The following CCDC141 variants were observed in gnomAD, a reference collection of about 807,000 sequenced individuals.
CCDC141 encodes the protein coiled-coil domain-containing protein 141.
CCDC141 carries 168 observed loss-of-function variants against 181.0 expected under a neutral mutation model. The ratio of observed to expected loss-of-function variants is 0.93; its 90% confidence interval spans 0.82 to 1.05. CCDC141 has a LOEUF of 1.05. Ranked by LOEUF, CCDC141 falls within the 50% of genes least tolerant of loss-of-function variation. The pLI, the probability that CCDC141 is intolerant of heterozygous loss-of-function variation, is 0.00. For synonymous variants in CCDC141, 666 were observed against 642.3 expected, an observed-to-expected ratio of 1.04 and a Z score of -0.56; for missense variants, 1,902 against 1,788.5, an observed-to-expected ratio of 1.06 and a Z score of -1.14.
At chr2:178,959,978 C>A (rs1192319937) in intron 5 of CCDC141, among the ~76,000 whole-genome samples, 2 of 152,162 alleles carry the variant, frequency 1.3e-5, no homozygotes, top group Non-Finnish European at 2.9e-5. Flanking sequence ...TGGTTCTTAA[C>A]TGGTATTAAT....
the CCDC141 span, among the ~76,000 whole-genome samples, chr2:178,823,277 G>C: frequency 6.6e-6 from 1 of 152,124 alleles, no homozygotes. Context: ...GTTTGAATGA[G>C]ATAATCAGAT....
intron 4 of CCDC141, among the ~76,000 whole-genome samples, chr2:178,969,180 G>A (rs1690770277): frequency 6.7e-6 from 1 of 148,708 alleles, no homozygotes; most frequent in Non-Finnish European, 1.5e-5. Context: ...GGTACAAAGA[G>A]GAGCTGGTAC....
rs759515239 is a variant in CCDC141 at position 178,850,012 on chromosome 2, T to C, written c.3357+37A>G. The C allele has an allele frequency of 3.2e-5, 36 of 1,124,602 alleles. No homozygotes were observed. In the Middle Eastern group the frequency reaches 1.8e-3, roughly 57 times the overall value. 69.7% of individuals were successfully genotyped at this position (1,124,602 alleles called of 1,614,324 possible). The stretch of plus-strand genomic sequence containing the variant: ...TTTGATTAACACATTTTTATTTATT[T>C]TGCTTGAAAATACATATTCTAGGAA... On this transcript the variant is annotated intron_variant, in intron 21 of 23. Transcript: ENST00000443758.
chr2:179,010,303 T>A (rs1412753896), intron 2 of CCDC141, among the ~76,000 whole-genome samples: 5 of 152,082 alleles, frequency 3.3e-5, no homozygotes, highest in African/African-American at 4.8e-5. Context: ...ACAAAGAACA[T>A]CCAGGAAATT....
At chr2:178,834,545 CT>C in intron 23 of CCDC141, 105 bp from the exon 24 acceptor site, 2 of 1,271,394 alleles carry the variant, frequency 1.6e-6, no homozygotes, top group Non-Finnish European at 1.1e-6. Context: ...GCAATATTCT[CT>C]TAGGATTAGT....
intron 5 of CCDC141, among the ~76,000 whole-genome samples, chr2:178,950,330 T>A (rs983109568): frequency 6.6e-6 from 1 of 152,020 alleles, no homozygotes; most frequent in African/African-American, 2.4e-5. Context: ...CATAGGGCTT[T>A]GGGTTTTTTT....
chr2:178,887,723 A>G (rs1319301254), intron 9 of CCDC141, among the ~76,000 whole-genome samples: 30 of 152,196 alleles, frequency 2.0e-4, no homozygotes, highest in Admixed American at 1.9e-3. Context: ...AAATACAGAC[A>G]TTGATATTTA....
rs1553479631 is a variant in CCDC141 at position 178,893,833 on chromosome 2, A to ACG, written c.1266-5166_1266-5165insCG. On this transcript the variant is annotated intron_variant, in intron 8 of 23. Coordinates refer to ENST00000443758, the MANE Select transcript of CCDC141 (RefSeq NM_173648.4). ...CACACACACACACACGCACACACAC[A>ACG]CACACACACACACACAATGTTTTAT... Among the ~76,000 whole-genome samples, 379 of 151,970 alleles carry ACG rather than the reference A, an allele frequency of 2.5e-3. 3 individuals are homozygous for ACG. The highest frequency in any genetic ancestry group is 8.5e-3 in the African/African-American group (354 of 41,450).
At chr2:178,899,974 C>T (rs1224127061) in intron 8 of CCDC141, among the ~76,000 whole-genome samples, 3 of 152,242 alleles carry the variant, frequency 2.0e-5, no homozygotes, top group African/African-American at 7.2e-5. Context: ...CAGTCTAATG[C>T]ATTTCAGTTC....
In CCDC141 at chr2:178,834,381, G is replaced by A. The variant is rs924886381; in HGVS notation, c.4385C>T (p.Thr1462Ile). The change falls in exon 24 of 24, where the codon ACA becomes ATA. Residue 1462 changes from threonine to isoleucine, a missense_variant. Physicochemically the swap from Thr to Ile is moderately conservative, Grantham distance 89. Coordinates refer to ENST00000443758, the MANE Select transcript of CCDC141 (RefSeq NM_173648.4). ...DGHLQVLHKE[T>I]RHSVFIPKVC... ...CTTTGGAATGAACACCGAATGCCTT[G>A]TCTCCTTGTGTAAAACCTGTAAGTG... 9.8e-6 allele frequency: 15 copies of A among 1,536,240 alleles called. No homozygotes were observed. The African/African-American group carries it at 1.9e-4, about 20-fold the overall frequency.
At chr2:179,002,371 A>G in intron 2 of CCDC141, 2 of 295,636 alleles carry the variant, frequency 6.8e-6, no homozygotes, top group Non-Finnish European at 1.3e-5. Flanking sequence ...GTCAATCTAA[A>G]TGTTCTCAAT....
Position 178,872,318 on chromosome 2 carries a change from AAATT to A in CCDC141, c.1900-10_1900-7del. 6.2e-7 allele frequency: 1 copy of A among 1,601,522 alleles called. No individual in the cohort carries two copies. Among genetic ancestry groups the A allele is most frequent in the South Asian group, 1.1e-5 (1 of 88,376 alleles). On this transcript the variant is annotated splice_polypyrimidine_tract_variant and splice_region_variant and intron_variant, in intron 12 of 23. Coordinates refer to ENST00000443758, the MANE Select transcript of CCDC141 (RefSeq NM_173648.4). ...AATATCTCGTTCTCTTTTGCCTGTT[AAATT>A]AATAATTCATATAATAGCTTTTCTT... is the stretch of plus-strand genomic sequence containing the variant.
At chr2:178,937,139 T>C (rs1314528513) in intron 6 of CCDC141, among the ~76,000 whole-genome samples, 3 of 152,056 alleles carry the variant, frequency 2.0e-5, no homozygotes, top group Non-Finnish European at 1.5e-5. Flanking sequence ...TGAATAAGAG[T>C]GGTGAAAGAG....
intron 8 of CCDC141, among the ~76,000 whole-genome samples, chr2:178,904,329 A>C (rs925731144): frequency 6.6e-6 from 1 of 152,210 alleles, no homozygotes; most frequent in African/African-American, 2.4e-5. Context: ...TGTTTGTAGC[A>C]AACATCACAA....
intron 11 of CCDC141, among the ~76,000 whole-genome samples, chr2:178,882,205 T>A (rs1686655952): frequency 6.6e-6 from 1 of 151,944 alleles, no homozygotes; most frequent in Admixed American, 6.6e-5. Context: ...AACCCCTCTC[T>A]ACTAAAAATA....
At chr2:178,934,603 A>G (rs1689216034) in intron 6 of CCDC141, among the ~76,000 whole-genome samples, 4 of 152,234 alleles carry the variant, frequency 2.6e-5, no homozygotes. Flanking sequence ...TTATTTCAAC[A>G]CATCCTGAAT....
At position 179,050,123 on chromosome 2, in the gene CCDC141, G is replaced by T; in HGVS notation, c.-182C>A. 1 of 883,352 alleles carries T rather than the reference G, an allele frequency of 1.1e-6. No individual in the cohort carries two copies. The highest frequency in any genetic ancestry group is 1.6e-6 in the Non-Finnish European group (1 of 616,250). 54.7% of individuals were successfully genotyped at this position (883,352 alleles called of 1,614,324 possible). A position where few individuals can be genotyped will look rare whatever the true frequency, so the allele number is the denominator to read the frequency against. On this transcript the variant is annotated 5_prime_UTR_variant, in exon 1 of 24. Transcript: ENST00000443758. ...TAGACAACCCCATTGAGTTTATCGT[G>T]AGAGAGAAAGGAGCGAACGAGAGAG...
chr2:178,950,758 C>G (rs1296429068), intron 5 of CCDC141, among the ~76,000 whole-genome samples: 1 of 152,118 alleles, frequency 6.6e-6, no homozygotes, highest in Non-Finnish European at 1.5e-5. Flanking sequence ...TCCCGGTATT[C>G]TCTGTTGATG....
intron 7 of CCDC141, among the ~76,000 whole-genome samples, chr2:178,916,331 C>T (rs905128581): frequency 6.6e-6 from 1 of 151,846 alleles, no homozygotes; most frequent in Non-Finnish European, 1.5e-5. Flanking sequence ...AACTTCAGTT[C>T]TTTATTTAAA....
Sources: allele counts gnomAD v4.1 joint callset (sites outside exome capture counted in the v4.1 genomes callset), GRCh38; gene constraint gnomAD v4.1.1; transcripts MANE v1.5; gene names NCBI Gene and HGNC (gene_info 2026-07-23, HGNC 2026-07-21).